The following LRRC3 variants were observed in gnomAD, a reference collection of about 807,000 sequenced individuals.
The protein encoded by LRRC3 is leucine-rich repeat-containing protein 3.
For synonymous variants in LRRC3, 172 were observed against 164.1 expected, an observed-to-expected ratio of 1.05 and a Z score of -0.37; for missense variants, 351 against 361.6, an observed-to-expected ratio of 0.97 and a Z score of 0.24.
Position 44,457,391 on chromosome 21 carries a change from C to T in LRRC3, c.747C>T (p.Ser249=). The change falls in exon 2 of 2, where the codon TCC becomes TCT. Residue 249 remains serine (S), a synonymous_variant. Coordinates refer to ENST00000291592, the MANE Select transcript of LRRC3 (RefSeq NM_030891.6). The stretch of plus-strand genomic sequence containing the variant: ...AGTCTCTGCCCAGCGCCCCCGCCTC[C>T]AAGGACCCCATCGGCCCGGGGCCCT... The part of the protein sequence containing the change: ...YLKSLPSAPA[S]KDPIGPGP 6.3e-7 allele frequency: 1 copy of T among 1,597,988 alleles called. No individual in the cohort carries two copies. The highest frequency in any genetic ancestry group is 1.7e-4 in the Middle Eastern group (1 of 6,000).
Position 44,457,149 on chromosome 21 carries a change from G to C in LRRC3, c.505G>C (p.Glu169Gln). Residue 169 changes from glutamate to glutamine, a missense_variant, in exon 2 of 2, where the codon GAG (glutamate) becomes CAG (glutamine). Physicochemically the swap from Glu to Gln is conservative, Grantham distance 29. Transcript: ENST00000291592. ...ELKLDPDSVD[E>Q]IACHTSVQEE... is the part of the protein sequence containing the mutation. ...GAAGCTGGACCCCGACTCTGTGGAC[G>C]AGATCGCCTGCCACACCTCAGTGCA... 1 of 1,613,164 alleles carries C rather than the reference G, an allele frequency of 6.2e-7. No homozygotes were observed.
intron 1 of LRRC3, 48 bp downstream of exon 1, chr21:44,455,703 T>C (rs1427871182): frequency 6.6e-6 from 1 of 151,108 alleles, no homozygotes; most frequent in East Asian, 2.0e-4. Context: ...ACCCACCCCA[T>C]GACCATCCCC....
chr21:44,456,523 T>A lies in LRRC3; in HGVS notation c.-122T>A. On this transcript the variant is annotated 5_prime_UTR_variant, in exon 2 of 2. Coordinates refer to ENST00000291592, the MANE Select transcript of LRRC3 (RefSeq NM_030891.6). Reference sequence around the variant, plus strand: ...AGCTGCCAGAGTGGACTGCACTGCTTCTCCCAGCGGGGCAGGATGGCGGTT... The same window carrying A: ...AGCTGCCAGAGTGGACTGCACTGCTACTCCCAGCGGGGCAGGATGGCGGTT... 1.9e-6 allele frequency: 2 copies of A among 1,060,916 alleles called. No homozygotes were observed. Among genetic ancestry groups the A allele is most frequent in the South Asian group, 3.1e-5 (2 of 65,144 alleles). 65.7% of individuals were successfully genotyped at this position (1,060,916 alleles called of 1,614,324 possible). A position where few individuals can be genotyped will look rare whatever the true frequency, so the allele number is the denominator to read the frequency against.
rs749731059 is a variant in LRRC3, at chr21:44,456,982, G to T, written c.338G>T (p.Gly113Val). The change falls in exon 2 of 2, where the codon GGG becomes GTG. Residue 113 changes from glycine (G) to valine (V), a missense_variant. By Grantham distance (109) the Gly-to-Val change is moderately radical (BLOSUM62 -3). Transcript: ENST00000291592. The stretch of plus-strand genomic sequence containing the variant: ...TCCGCCACCTTCGCGGGCCTGGCCG[G>T]GGGCCTGCGGCTGCTGGACCTGTCT... ...IGSATFAGLA[G>V]GLRLLDLSYN... The T allele has an allele frequency of 6.2e-7, 1 of 1,607,072 alleles. No homozygotes were observed. The highest frequency in any genetic ancestry group is 1.1e-5 in the South Asian group (1 of 91,038).
chr21:44,459,514 G>T lies in LRRC3; in HGVS notation c.*2096G>T. ...CTCCTGCCACCCCTTCTCCATGCCA[G>T]GGTGCCTGTGGTGGGTTTGCCCAGC... On this transcript the variant is annotated 3_prime_UTR_variant, in exon 2 of 2. Transcript: ENST00000291592. 1 of 152,496 alleles carries T rather than the reference G, an allele frequency of 6.6e-6. No individual in the cohort carries two copies. 9.4% of individuals were successfully genotyped at this position (152,496 alleles called of 1,614,324 possible).
chr21:44,455,848 C>G (rs981429213), intron 1 of LRRC3, among the ~76,000 whole-genome samples, 193 bp downstream of exon 1: 3 of 152,090 alleles, frequency 2.0e-5, no homozygotes, highest in African/African-American at 7.2e-5. Context: ...CCACGCCCAG[C>G]GCGGGCCGCG....
In LRRC3 at chr21:44,457,244, C is replaced by T. The variant is rs959704518; in HGVS notation, c.600C>T (p.His200=). ...GTGCCAGCCTCTGCAGCGTCCCCCACAGGACCACAGACGTGGCCATGCTGG... is the reference window on the plus strand; with the variant it reads ...GTGCCAGCCTCTGCAGCGTCCCCCATAGGACCACAGACGTGGCCATGCTGG... ...DAGASLCSVP[H]RTTDVAMLVT... Residue 200 remains histidine (H), a synonymous_variant, in exon 2 of 2, where the codon CAC becomes CAT. Transcript: ENST00000291592. The T allele has an allele frequency of 1.2e-6, 2 of 1,613,880 alleles. No homozygotes were observed. Among genetic ancestry groups the T allele is most frequent in the Non-Finnish European group, 1.7e-6 (2 of 1,180,044 alleles).
In LRRC3 at chr21:44,456,596, C is replaced by G. The variant is rs555901265; in HGVS notation, c.-49C>G. The stretch of plus-strand genomic sequence containing the variant: ...TTGCCTGCGGAAACCAGCTCCATCC[C>G]CAGGCCCTAGCAGAGGCTCGCGTGT... On this transcript the variant is annotated 5_prime_UTR_variant, in exon 2 of 2. Transcript: ENST00000291592. 6.6e-7 allele frequency: 1 copy of G among 1,525,206 alleles called. No individual in the cohort carries two copies. The highest frequency in any genetic ancestry group is 1.4e-5 in the African/African-American group (1 of 72,858). The allele number at this position is 1,525,206 out of a possible 1,614,324, so 94.5% of individuals were successfully genotyped here.
chr21:44,457,817 C>A lies in LRRC3; in HGVS notation c.*399C>A, dbSNP rs564182143. 10 of 225,688 alleles carry A rather than the reference C, an allele frequency of 4.4e-5. No individual in the cohort carries two copies. The highest frequency in any genetic ancestry group is 7.6e-5 in the Non-Finnish European group (8 of 105,750). The allele number at this position is 225,688 out of a possible 1,614,324, so 14.0% of individuals were successfully genotyped here. ...GGGTTCACCAGAGGGAGCTTGGGTG[C>A]AGGTTCACCCGCTGAAGGCGCTGAT... On this transcript the variant is annotated 3_prime_UTR_variant, in exon 2 of 2. Coordinates refer to ENST00000291592, the MANE Select transcript of LRRC3 (RefSeq NM_030891.6).
In LRRC3 at chr21:44,459,959, G is replaced by A. The variant is rs2051733190; in HGVS notation, c.*2541G>A. 6.6e-6 allele frequency: 1 copy of A among 152,562 alleles called. No homozygotes were observed. Among genetic ancestry groups the A allele is most frequent in the African/African-American group, 2.4e-5 (1 of 41,416 alleles). The allele number at this position is 152,562 out of a possible 1,614,324, so 9.5% of individuals were successfully genotyped here. A position where few individuals can be genotyped will look rare whatever the true frequency, so the allele number is the denominator to read the frequency against. On this transcript the variant is annotated 3_prime_UTR_variant, in exon 2 of 2. Transcript: ENST00000291592. ...AGGTCCATGAGCTGCCCACCGTCCT[G>A]GCCTTACTGTGCCCCCTGCCCCACC...
Position 44,457,294 on chromosome 21 carries a change from T to C in LRRC3, c.650T>C (p.Met217Thr). The change falls in exon 2 of 2, where the codon ATG becomes ACG. Residue 217 changes from methionine to threonine, a missense_variant. Transcript: ENST00000291592. ...MLVTMFGWFA[M>T]VIAYVVYYVR... ...GTCACCATGTTCGGCTGGTTCGCCA[T>C]GGTGATCGCCTACGTCGTGTACTAT... is the stretch of plus-strand genomic sequence containing the variant. The C allele has an allele frequency of 1.2e-6, 2 of 1,613,826 alleles. No individual in the cohort carries two copies. The highest frequency in any genetic ancestry group is 1.7e-6 in the Non-Finnish European group (2 of 1,180,022).
In LRRC3 at chr21:44,456,806, C is replaced by A; in HGVS notation, c.162C>A (p.Gly54=). 1 of 1,611,810 alleles carries A rather than the reference C, an allele frequency of 6.2e-7. No individual in the cohort carries two copies. The highest frequency in any genetic ancestry group is 8.5e-7 in the Non-Finnish European group (1 of 1,179,744). ...GAVAVFCSLR[G]LQEVPEDIPA... is the part of the protein sequence containing the mutation. ...TGGCTGTCTTCTGCAGCTTGCGGGG[C>A]CTTCAGGAGGTCCCCGAGGACATCC... The change falls in exon 2 of 2, where the codon GGC becomes GGA. Residue 54 remains glycine, a synonymous_variant. Transcript: ENST00000291592.
Position 44,457,250 on chromosome 21 carries a change from C to T in LRRC3, c.606C>T (p.Thr202=). ...GASLCSVPHR[T]TDVAMLVTMF... is the part of the protein sequence containing the mutation. ...GCCTCTGCAGCGTCCCCCACAGGAC[C>T]ACAGACGTGGCCATGCTGGTCACCA... The change falls in exon 2 of 2, where the codon ACC becomes ACT. Residue 202 remains threonine, a synonymous_variant. Transcript: ENST00000291592. 1.2e-6 allele frequency: 2 copies of T among 1,613,978 alleles called. No individual in the cohort carries two copies. The highest frequency in any genetic ancestry group is 1.7e-6 in the Non-Finnish European group (2 of 1,180,026).
In LRRC3 at chr21:44,457,582, C is replaced by A; in HGVS notation, c.*164C>A. On this transcript the variant is annotated 3_prime_UTR_variant, in exon 2 of 2. Transcript: ENST00000291592. ...CTCCAGGCTGGGTGGTTTTGCCACA[C>A]ATCCGTGTGACGGATGAGGAACCTG... 1 of 731,326 alleles carries A rather than the reference C, an allele frequency of 1.4e-6. No homozygotes were observed. The highest frequency in any genetic ancestry group is 2.2e-6 in the Non-Finnish European group (1 of 452,786). The allele number at this position is 731,326 out of a possible 1,614,324, so 45.3% of individuals were successfully genotyped here.
Position 44,456,964 on chromosome 21 carries a change from C to T in LRRC3, c.320C>T (p.Thr107Ile), listed in dbSNP as rs908162822. 8 of 1,607,830 alleles carry T rather than the reference C, an allele frequency of 5.0e-6. No homozygotes were observed. Among genetic ancestry groups the T allele is most frequent in the Non-Finnish European group, 6.8e-6 (8 of 1,179,906 alleles). ...GCCATCGAGGCCATCGGCTCCGCCA[C>T]CTTCGCGGGCCTGGCCGGGGGCCTG... ...HNAIEAIGSA[T>I]FAGLAGGLRL... The change falls in exon 2 of 2, where the codon ACC becomes ATC. Residue 107 changes from threonine (T) to isoleucine (I), a missense_variant. By Grantham distance (89) the Thr-to-Ile change is moderately conservative. Transcript: ENST00000291592.
chr21:44,456,604 T>C lies in LRRC3; in HGVS notation c.-41T>C. 1 of 1,539,832 alleles carries C rather than the reference T, an allele frequency of 6.5e-7. No individual in the cohort carries two copies. The highest frequency in any genetic ancestry group is 8.7e-7 in the Non-Finnish European group (1 of 1,144,856). ...GGAAACCAGCTCCATCCCCAGGCCC[T>C]AGCAGAGGCTCGCGTGTCCCCGTCC... On this transcript the variant is annotated 5_prime_UTR_variant, in exon 2 of 2. Coordinates refer to ENST00000291592, the MANE Select transcript of LRRC3 (RefSeq NM_030891.6).
rs899786741 is a variant in LRRC3 at position 44,456,866 on chromosome 21, C to G, written c.222C>G (p.Asn74Lys). 2.5e-6 allele frequency: 4 copies of G among 1,609,818 alleles called. No homozygotes were observed. The highest frequency in any genetic ancestry group is 3.4e-6 in the Non-Finnish European group (4 of 1,177,750). ...ANTVLLKLDA[N>K]KISHLPDGAF... ...CCGTGCTCCTGAAGCTCGATGCCAA[C>G]AAGATCTCCCACCTCCCGGACGGGG... Residue 74 changes from asparagine to lysine, a missense_variant, in exon 2 of 2, where the codon AAC (asparagine) becomes AAG (lysine). By Grantham distance (94) the Asn-to-Lys change is moderately conservative (BLOSUM62 0). Coordinates refer to ENST00000291592, the MANE Select transcript of LRRC3 (RefSeq NM_030891.6).
Position 44,457,176 on chromosome 21 carries a change from G to A in LRRC3, c.532G>A (p.Glu178Lys), listed in dbSNP as rs780875065. 6.0e-5 allele frequency: 97 copies of A among 1,613,692 alleles called. No homozygotes were observed. Among genetic ancestry groups the A allele is most frequent in the Non-Finnish European group, 7.8e-5 (92 of 1,180,038 alleles). Residue 178 changes from glutamate (E) to lysine (K), a missense_variant, in exon 2 of 2, where the codon GAG becomes AAG. Glu to Lys is a moderately conservative substitution (Grantham distance 56, BLOSUM62 1). Coordinates refer to ENST00000291592, the MANE Select transcript of LRRC3 (RefSeq NM_030891.6). ...GATCGCCTGCCACACCTCAGTGCAG[G>A]AGGAGTTTGTGGGGAAGCCTCTGGT... ...DEIACHTSVQ[E>K]EFVGKPLVQA... is the part of the protein sequence containing the mutation.
In LRRC3 at chr21:44,457,217, G is replaced by C; in HGVS notation, c.573G>C (p.Ala191=). The C allele has an allele frequency of 6.2e-7, 1 of 1,613,954 alleles. No homozygotes were observed. Among genetic ancestry groups the C allele is most frequent in the Non-Finnish European group, 8.5e-7 (1 of 1,180,044 alleles). ...VGKPLVQALD[A]GASLCSVPHR... ...AGCCTCTGGTTCAGGCTCTGGATGC[G>C]GGTGCCAGCCTCTGCAGCGTCCCCC... The change falls in exon 2 of 2, where the codon GCG becomes GCC. Residue 191 remains alanine (A), a synonymous_variant. Coordinates refer to ENST00000291592, the MANE Select transcript of LRRC3 (RefSeq NM_030891.6).
Sources: allele counts gnomAD v4.1 joint callset (sites outside exome capture counted in the v4.1 genomes callset), GRCh38; gene constraint gnomAD v4.1.1; transcripts MANE v1.5; gene names NCBI Gene and HGNC (gene_info 2026-07-23, HGNC 2026-07-21).